Variants in RIT2 observed in about 807,000 individuals in gnomAD.
RIT2 encodes Ras like without CAAX 2, also known as GTP-binding protein Rit2.
In RIT2, 24 loss-of-function variants were observed where a neutral mutation model predicts 23.7. The ratio of observed to expected loss-of-function variants is 1.01; its 90% CI spans 0.73 to 1.43. The LOEUF (loss-of-function observed/expected upper bound fraction) is 1.43, where lower values mean the gene tolerates loss of function less well. Ranked by LOEUF, RIT2 falls within the 40% of genes most tolerant of loss-of-function variation. The pLI, the probability that RIT2 is intolerant of heterozygous loss-of-function variation, is 0.00. For missense variants in RIT2, 236 were observed against 266.9 expected, an observed-to-expected ratio of 0.88 and a Z score of 0.81; for synonymous variants, 107 against 91.1, an observed-to-expected ratio of 1.17 and a Z score of -0.99.
At chr18:43,068,071 C>T (rs1912811317) in intron 1 of RIT2, among the ~76,000 whole-genome samples, 1 of 152,164 alleles carries the variant, frequency 6.6e-6, no homozygotes, top group African/African-American at 2.4e-5. Flanking sequence ...TGGGTAAATG[C>T]TATGACCTGG....
At chr18:42,761,563 T>C (rs982743447) in intron 4 of RIT2, among the ~76,000 whole-genome samples, 2 of 152,222 alleles carry the variant, frequency 1.3e-5, no homozygotes, top group Admixed American at 6.5e-5. Context: ...TAATTGTTTA[T>C]AAAGTCCTTC....
chr18:43,014,560 G>A (rs1317269787), intron 2 of RIT2, among the ~76,000 whole-genome samples: 1 of 150,354 alleles, frequency 6.7e-6, no homozygotes, highest in Non-Finnish European at 1.5e-5. Flanking sequence ...CTAAGATGGA[G>A]GCCTTTACTC....
At chr18:43,035,177 G>GA in intron 1 of RIT2, among the ~76,000 whole-genome samples, 1 of 152,298 alleles carries the variant, frequency 6.6e-6, no homozygotes, top group South Asian at 2.1e-4. Flanking sequence ...CAAAGAAATG[G>GA]AAACTGACCC....
intron 4 of RIT2, among the ~76,000 whole-genome samples, chr18:42,774,010 T>G (rs1203620544): frequency 6.6e-6 from 1 of 152,210 alleles, no homozygotes; most frequent in Non-Finnish European, 1.5e-5. Context: ...TAAACATGAA[T>G]GAGAGCAATG....
At chr18:42,921,903 C>G (rs550652304) in intron 4 of RIT2, among the ~76,000 whole-genome samples, 2 of 152,212 alleles carry the variant, frequency 1.3e-5, no homozygotes, top group Admixed American at 1.3e-4. Flanking sequence ...TACTAAGCCT[C>G]CAACTTTCTT....
At chr18:42,991,027 C>T (rs536982831) in intron 2 of RIT2, among the ~76,000 whole-genome samples, 8 of 149,764 alleles carry the variant, frequency 5.3e-5, no homozygotes, top group Non-Finnish European at 1.0e-4. Flanking sequence ...AAGTCTAGTG[C>T]TAGCTTAAAT....
At chr18:42,772,308 A>T (rs887372715) in intron 4 of RIT2, among the ~76,000 whole-genome samples, 1 of 152,136 alleles carries the variant, frequency 6.6e-6, no homozygotes, top group South Asian at 2.1e-4. Context: ...ACTGTTCTCA[A>T]TGGCAATATT....
chr18:43,042,385 A>G (rs62092690), intron 1 of RIT2, among the ~76,000 whole-genome samples: 13,858 of 152,142 alleles, frequency 0.091, 714 homozygotes, highest in East Asian at 0.18. Flanking sequence ...TCAGTCCTCT[A>G]TTTTAATCAT....
intron 4 of RIT2, among the ~76,000 whole-genome samples, chr18:42,812,925 A>C (rs564062347): frequency 6.6e-6 from 1 of 152,338 alleles, no homozygotes; most frequent in Non-Finnish European, 1.5e-5. Context: ...TTTACAGAAA[A>C]TTAAACTATT....
chr18:42,963,311 C>T (rs1273503281), intron 3 of RIT2, among the ~76,000 whole-genome samples: 1 of 152,084 alleles, frequency 6.6e-6, no homozygotes, highest in East Asian at 1.9e-4. Context: ...TTAAGAACCA[C>T]CTGCAATATA....
At chr18:43,064,124 C>T (rs939916258) in intron 1 of RIT2, among the ~76,000 whole-genome samples, 7 of 152,062 alleles carry the variant, frequency 4.6e-5, no homozygotes, top group Non-Finnish European at 1.0e-4. Flanking sequence ...GATGGATGCC[C>T]TCATAAGGAG....
At chr18:42,990,777 A>T (rs992269348) in intron 2 of RIT2, among the ~76,000 whole-genome samples, 2 of 136,272 alleles carry the variant, frequency 1.5e-5, no homozygotes, top group East Asian at 4.5e-4. Context: ...TGTGAAGTAT[A>T]TATCAATATG....
chr18:42,816,538 C>A (rs1017764207), intron 4 of RIT2, among the ~76,000 whole-genome samples: 1 of 152,124 alleles, frequency 6.6e-6, no homozygotes, highest in Non-Finnish European at 1.5e-5. Flanking sequence ...GATACTTAAG[C>A]AAGTCTGCTC....
At chr18:43,109,046 T>C (rs1913893787) in intron 1 of RIT2, among the ~76,000 whole-genome samples, 1 of 152,196 alleles carries the variant, frequency 6.6e-6, no homozygotes, top group African/African-American at 2.4e-5. Context: ...TTGATTTAAT[T>C]CATCAGATAA....
chr18:43,017,372 G>GATA (rs1456764907), intron 2 of RIT2, among the ~76,000 whole-genome samples: 1 of 151,432 alleles, frequency 6.6e-6, no homozygotes, highest in Non-Finnish European at 1.5e-5. Flanking sequence ...AATAATAAAA[G>GATA]ATATCTTTAA....
intron 2 of RIT2, among the ~76,000 whole-genome samples, chr18:43,007,270 G>A (rs2050390929): frequency 6.6e-6 from 1 of 151,662 alleles, no homozygotes; most frequent in Admixed American, 6.6e-5. Context: ...GGGAGAGGAT[G>A]TCATGGCTAT....
chr18:42,999,918 A>G (rs528681305), intron 2 of RIT2, among the ~76,000 whole-genome samples: 2 of 152,242 alleles, frequency 1.3e-5, no homozygotes, highest in African/African-American at 4.8e-5. Flanking sequence ...AGAAAGAATG[A>G]AATCCCAAGG....
chr18:43,035,142 G>T (rs753806592), intron 1 of RIT2, among the ~76,000 whole-genome samples: 9 of 152,208 alleles, frequency 5.9e-5, no homozygotes, highest in African/African-American at 2.2e-4. Flanking sequence ...TGTGGAATGC[G>T]CTAGTCTGAC....
chr18:43,043,824 C>A lies in RIT2; in HGVS notation c.104-9957G>T, dbSNP rs546187074. 3.8e-4 allele frequency among the ~76,000 whole-genome samples: 57 copies of A among 151,890 alleles called. 1 individual carries two copies. The highest frequency in any genetic ancestry group is 1.1e-3 in the African/African-American group (46 of 41,412). Reference sequence around the variant, plus strand: ...CAAACAAACAAATAAATAAATAAATCAAATAAATAAATAAATAAATAAAAG... The same window carrying A: ...CAAACAAACAAATAAATAAATAAATAAAATAAATAAATAAATAAATAAAAG... On this transcript the variant is annotated intron_variant, in intron 1 of 4. Transcript: ENST00000326695.
Sources: allele counts gnomAD v4.1 joint callset (sites outside exome capture counted in the v4.1 genomes callset), GRCh38; gene constraint gnomAD v4.1.1; transcripts MANE v1.5; gene names NCBI Gene and HGNC (gene_info 2026-07-23, HGNC 2026-07-21).